Variants in PIGB observed in about 807,000 individuals in gnomAD.
PIGB encodes the protein phosphatidylinositol glycan anchor biosynthesis class B.
In PIGB, 58 loss-of-function variants were observed where a neutral mutation model predicts 68.4. The ratio of observed to expected loss-of-function variants is 0.85; its 90% CI spans 0.69 to 1.06. The LOEUF (loss-of-function observed/expected upper bound fraction) is 1.06. PIGB is among the 50% of genes least tolerant of loss of function. The pLI is 0.00. For synonymous variants in PIGB, 219 were observed against 220.5 expected (o/e 0.99, Z 0.06); for missense variants, 634 against 655.8 (o/e 0.97, Z 0.36).
intron 10 of PIGB, among the ~76,000 whole-genome samples, chr15:55,351,145 T>C (rs551864660): frequency 6.6e-6 from 1 of 150,686 alleles, no homozygotes; most frequent in African/African-American, 2.5e-5. Flanking sequence ...GTCTGTTCTA[T>C]TGCCCAGGCT....
chr15:55,331,067 C>A (rs933757128), intron 5 of PIGB, among the ~76,000 whole-genome samples: 1 of 152,140 alleles, frequency 6.6e-6, no homozygotes, highest in Non-Finnish European at 1.5e-5. Context: ...CCTTTATATC[C>A]CAAATAGCCT....
chr15:55,319,522 G>A (rs1315467192), intron 1 of PIGB, 109 bp downstream of exon 1: 3 of 747,148 alleles, frequency 4.0e-6, no homozygotes, highest in South Asian at 2.4e-5. Flanking sequence ...CAGATCTTGA[G>A]TTTTGAAATG....
intron 4 of PIGB, among the ~76,000 whole-genome samples, chr15:55,329,212 CCTGA>C (rs1171167314): frequency 6.6e-6 from 1 of 151,068 alleles, no homozygotes; most frequent in Non-Finnish European, 1.5e-5. Flanking sequence ...AATAATGTCT[CCTGA>C]CTTTTTTTTC....
intron 3 of PIGB, among the ~76,000 whole-genome samples, chr15:55,322,842 C>T (rs1437382892): frequency 6.6e-6 from 1 of 152,116 alleles, no homozygotes; most frequent in Non-Finnish European, 1.5e-5. Context: ...CAGTTATCTA[C>T]TAGTTTATAG....
intron 8 of PIGB, among the ~76,000 whole-genome samples, chr15:55,341,410 G>T (rs1270150598): frequency 6.6e-6 from 1 of 152,132 alleles, no homozygotes; most frequent in East Asian, 1.9e-4. Flanking sequence ...AAGGACCACA[G>T]AAATACATTC....
chr15:55,351,883 A>AAAAC (rs2055931794), intron 10 of PIGB: 1 of 150,778 alleles, frequency 6.6e-6, no homozygotes, highest in Non-Finnish European at 1.5e-5. Flanking sequence ...CAAAAAAAAA[A>AAAAC]AAAAAAAAAA....
At chr15:55,324,446 A>C (rs961534127) in intron 3 of PIGB, among the ~76,000 whole-genome samples, 1 of 152,204 alleles carries the variant, frequency 6.6e-6, no homozygotes, top group Non-Finnish European at 1.5e-5. Context: ...GCTTATTGTT[A>C]TGCGAAAGTC....
At position 55,333,790 on chromosome 15, in the gene PIGB, T is replaced by C. The variant is rs547969616; in HGVS notation, c.654-77T>C. On this transcript the variant is annotated intron_variant, in intron 5 of 11. Coordinates refer to ENST00000164305, the MANE Select transcript of PIGB (RefSeq NM_004855.5). ...ATAGCTATTTATACCAAAAGGAAAA[T>C]GTCAAATCACAGTGTAAATGATAGA... 32 of 1,064,608 alleles carry C rather than the reference T, an allele frequency of 3.0e-5. No homozygotes were observed. The African/African-American group carries it at 5.1e-4, about 17-fold the overall frequency. The allele number at this position is 1,064,608 out of a possible 1,614,324, so 65.9% of individuals were successfully genotyped here.
At chr15:55,343,088 TAC>T in intron 9 of PIGB, 1 of 152,306 alleles carries the variant, frequency 6.6e-6, no homozygotes, top group African/African-American at 2.4e-5. Flanking sequence ...CATCAACTCC[TAC>T]AGATCTGAGA....
At chr15:55,328,369 G>C (rs1264900747) in intron 4 of PIGB, among the ~76,000 whole-genome samples, 2 of 133,770 alleles carry the variant, frequency 1.5e-5, no homozygotes, top group Non-Finnish European at 3.1e-5. Context: ...GAGCCTGTTT[G>C]AAAGTCTTAA....
intron 6 of PIGB, 114 bp from the exon 7 acceptor site, chr15:55,339,153 C>G: frequency 1.4e-6 from 1 of 709,710 alleles, no homozygotes; most frequent in South Asian, 1.7e-5. Flanking sequence ...GTTGGTGAAA[C>G]TGTAAAGCAT....
At chr15:55,345,256 T>TA (rs371269584) in intron 9 of PIGB, among the ~76,000 whole-genome samples, 38 of 148,810 alleles carry the variant, frequency 2.6e-4, no homozygotes, top group Middle Eastern at 6.9e-3. Context: ...CACAAGGAAT[T>TA]AAAAAAAAAA....
At chr15:55,350,668 G>A in intron 9 of PIGB, 31 bp from the exon 10 acceptor site, 4 of 1,390,512 alleles carry the variant, frequency 2.9e-6, no homozygotes, top group Middle Eastern at 1.8e-4. Context: ...GATTGTCAGT[G>A]TTAAGGTTCA....
At chr15:55,329,559 G>A (rs2055367109) in intron 4 of PIGB, among the ~76,000 whole-genome samples, 165 bp from the exon 5 acceptor site, 1 of 152,322 alleles carries the variant, frequency 6.6e-6, no homozygotes, top group Non-Finnish European at 1.5e-5. Context: ...TGTGTTTCAT[G>A]TAACTTTCTA....
intron 9 of PIGB, chr15:55,343,587 C>T (rs1247178899): frequency 6.6e-6 from 1 of 152,174 alleles, no homozygotes; most frequent in Non-Finnish European, 1.5e-5. Flanking sequence ...TCCTCATTGC[C>T]AGTCTAAAAG....
In PIGB at chr15:55,350,696, T is replaced by A; in HGVS notation, c.1124-3T>A. On this transcript the variant is annotated splice_polypyrimidine_tract_variant and splice_region_variant and intron_variant, in intron 9 of 11. Coordinates refer to ENST00000164305, the MANE Select transcript of PIGB (RefSeq NM_004855.5). The stretch of plus-strand genomic sequence containing the variant: ...AAGGTTCAATATGTCTATCTTCATA[T>A]AGGATACTCATTAACCCACCTGAAA... 1.3e-6 allele frequency: 2 copies of A among 1,590,840 alleles called. No individual in the cohort carries two copies. The highest frequency in any genetic ancestry group is 1.7e-6 in the Non-Finnish European group (2 of 1,159,780).
intron 6 of PIGB, among the ~76,000 whole-genome samples, 195 bp from the exon 7 acceptor site, chr15:55,339,072 A>G (rs1029178217): frequency 6.6e-6 from 1 of 152,220 alleles, no homozygotes; most frequent in African/African-American, 2.4e-5. Context: ...TTACAATATT[A>G]ATCGATTATA....
intron 6 of PIGB, among the ~76,000 whole-genome samples, chr15:55,338,564 G>C (rs1037049476): frequency 2.6e-5 from 4 of 152,062 alleles, no homozygotes; most frequent in Non-Finnish European, 4.4e-5. Context: ...AGGATCACTT[G>C]AGCCCAGGAG....
At position 55,326,801 on chromosome 15, in the gene PIGB, G is replaced by C. The variant is rs144442317; in HGVS notation, c.418-730G>C. On this transcript the variant is annotated intron_variant, in intron 3 of 11. Coordinates refer to ENST00000164305, the MANE Select transcript of PIGB (RefSeq NM_004855.5). ...GCAGTGAGCCGCGGTTGCGCCACTG[G>C]ACTCCAGCCTGGGCGACAGAGCGAT... is the stretch of plus-strand genomic sequence containing the variant. 7.2e-5 allele frequency among the ~76,000 whole-genome samples: 11 copies of C among 152,164 alleles called. 1 individual carries two copies. In the East Asian group the frequency reaches 2.1e-3, roughly 29 times the overall value.
Sources: allele counts gnomAD v4.1 joint callset (sites outside exome capture counted in the v4.1 genomes callset), GRCh38; gene constraint gnomAD v4.1.1; transcripts MANE v1.5; gene names NCBI Gene and HGNC (gene_info 2026-07-23, HGNC 2026-07-21).